The following SLC36A4 variants were observed in gnomAD, a reference collection of about 807,000 sequenced individuals.
The protein encoded by SLC36A4 is neutral amino acid uniporter 4.
A neutral mutation model predicts 50.5 loss-of-function variants in SLC36A4; 49 were observed. That is an observed-to-expected ratio of 0.97 (90% confidence interval 0.77 to 1.23). SLC36A4 has a LOEUF of 1.23. Among genes scored for constraint, SLC36A4 ranks in the 50% most tolerant of loss-of-function variants. SLC36A4 has a pLI of 0.00. For synonymous variants in SLC36A4, 207 were observed against 206.5 expected, an observed-to-expected ratio of 1.00 and a Z score of -0.02; for missense variants, 611 against 608.4, an observed-to-expected ratio of 1.00 and a Z score of -0.05.
intron 6 of SLC36A4, among the ~76,000 whole-genome samples, chr11:93,179,102 C>T (rs1321178890): frequency 3.3e-5 from 5 of 152,162 alleles, no homozygotes; most frequent in African/African-American, 1.2e-4. Flanking sequence ...CAGAGACCAT[C>T]AATACGGAAA....
chr11:93,180,688 T>C, intron 6 of SLC36A4, 109 bp downstream of exon 6: 2 of 780,666 alleles, frequency 2.6e-6, no homozygotes, highest in South Asian at 3.3e-5. Context: ...AGATCATTTA[T>C]GAAAGGAACA....
chr11:93,159,732 T>C, intron 9 of SLC36A4: 1 of 778,236 alleles, frequency 1.3e-6, no homozygotes. Flanking sequence ...GTATTACTCA[T>C]AACTAATTTT....
At chr11:93,194,489 T>A (rs1448538273) in intron 1 of SLC36A4, among the ~76,000 whole-genome samples, 1 of 152,204 alleles carries the variant, frequency 6.6e-6, no homozygotes, top group African/African-American at 2.4e-5. Flanking sequence ...TGAAATAAAG[T>A]GCAGACCTTA....
At chr11:93,162,553 C>T (rs1957644411) in intron 9 of SLC36A4, among the ~76,000 whole-genome samples, 153 bp downstream of exon 9, 1 of 152,088 alleles carries the variant, frequency 6.6e-6, no homozygotes, top group South Asian at 2.1e-4. Flanking sequence ...AGGTGATCCG[C>T]CCACCTCTGC....
At chr11:93,158,087 C>T (rs914937857) in intron 9 of SLC36A4, among the ~76,000 whole-genome samples, 10 of 152,134 alleles carry the variant, frequency 6.6e-5, no homozygotes, top group South Asian at 2.1e-4. Flanking sequence ...GAAAGAACTC[C>T]TTAGAGCTAA....
intron 6 of SLC36A4, among the ~76,000 whole-genome samples, chr11:93,174,540 A>G (rs1339530486): frequency 6.7e-6 from 1 of 148,994 alleles, no homozygotes; most frequent in Non-Finnish European, 1.5e-5. Flanking sequence ...TTCAAAGGGA[A>G]TGCTTCCAGT....
At chr11:93,160,676 A>ACTC in intron 9 of SLC36A4, 2 of 985,132 alleles carry the variant, frequency 2.0e-6, no homozygotes, top group African/African-American at 3.5e-5. Flanking sequence ...ATGTGTGCAC[A>ACTC]CTCCCACTTT....
At position 93,168,127 on chromosome 11, in the gene SLC36A4, A is replaced by G. The variant is rs1438076351; in HGVS notation, c.585T>C (p.Ser195=). The change falls in exon 7 of 11, where the codon AGT becomes AGC. Residue 195 remains serine (S), a synonymous_variant. Coordinates refer to ENST00000326402, the MANE Select transcript of SLC36A4 (RefSeq NM_152313.4). ...TCTCACAAGGGTTTGATGAATTGGT[A>G]CTATTTGAAATAAACACTTTACTCT... is the stretch of plus-strand genomic sequence containing the variant. ...FLESKVFISN[S]TNSSNPCERR... is the part of the protein sequence containing the mutation. 6.2e-7 allele frequency: 1 copy of G among 1,612,182 alleles called. No individual in the cohort carries two copies. The highest frequency in any genetic ancestry group is 2.2e-5 in the East Asian group (1 of 44,788).
chr11:93,151,266 C>T lies in SLC36A4; in HGVS notation c.1208-2422G>A, dbSNP rs570510559. Reference sequence around the variant, plus strand: ...TTCATTACAAATACTATGTCATTTACAGACAGCTATTATGAATAGATCTAT... The same window carrying T: ...TTCATTACAAATACTATGTCATTTATAGACAGCTATTATGAATAGATCTAT... On this transcript the variant is annotated intron_variant, in intron 10 of 10. Transcript: ENST00000326402. Among the ~76,000 whole-genome samples the T allele has an allele frequency of 5.0e-4, 76 of 152,020 alleles. 2 individuals are homozygous for T. The highest frequency in any genetic ancestry group is 1.8e-3 in the African/African-American group (73 of 41,534).
At chr11:93,179,755 AC>A (rs1861653476) in intron 6 of SLC36A4, among the ~76,000 whole-genome samples, 1 of 152,166 alleles carries the variant, frequency 6.6e-6, no homozygotes, top group Non-Finnish European at 1.5e-5. Flanking sequence ...GGGTTAAAAA[AC>A]TATGGTCTGC....
At chr11:93,158,377 T>A (rs1294498697) in intron 9 of SLC36A4, among the ~76,000 whole-genome samples, 1 of 152,122 alleles carries the variant, frequency 6.6e-6, no homozygotes, top group Non-Finnish European at 1.5e-5. Flanking sequence ...TAAAAATACA[T>A]CATTTTGCAT....
chr11:93,166,284 C>G, intron 7 of SLC36A4: 3 of 1,162,648 alleles, frequency 2.6e-6, no homozygotes, highest in Non-Finnish European at 3.2e-6. Context: ...CCTGCAAGTC[C>G]CAGGCTGTGA....
intron 9 of SLC36A4, chr11:93,160,431 T>C: frequency 1.0e-6 from 1 of 985,398 alleles, no homozygotes; most frequent in Non-Finnish European, 1.2e-6. Flanking sequence ...AATGGTCCCT[T>C]TTAAATCAAG....
At chr11:93,165,789 A>G (rs1301290184) in intron 8 of SLC36A4, 129 bp downstream of exon 8, 4 of 563,554 alleles carry the variant, frequency 7.1e-6, no homozygotes, top group African/African-American at 1.9e-5. Context: ...CTATCACACC[A>G]AATTGGAAAT....
At chr11:93,190,726 G>A (rs1279871242) in intron 1 of SLC36A4, among the ~76,000 whole-genome samples, 3 of 152,046 alleles carry the variant, frequency 2.0e-5, no homozygotes, top group Admixed American at 6.6e-5. Flanking sequence ...CTAACTATGC[G>A]CTTAAATACA....
intron 9 of SLC36A4, chr11:93,154,565 T>C (rs1260771232): frequency 5.9e-6 from 1 of 169,848 alleles, no homozygotes; most frequent in East Asian, 1.5e-4. Flanking sequence ...ATTCTGAAGG[T>C]TAGACTCAGC....
At chr11:93,176,720 C>T (rs952452845) in intron 6 of SLC36A4, among the ~76,000 whole-genome samples, 2 of 152,034 alleles carry the variant, frequency 1.3e-5, no homozygotes, top group African/African-American at 4.8e-5. Flanking sequence ...CTTAGTTTGG[C>T]TGGATATGAA....
intron 6 of SLC36A4, chr11:93,180,086 T>C: frequency 2.1e-6 from 2 of 949,480 alleles, no homozygotes; most frequent in Non-Finnish European, 2.5e-6. Context: ...TGTAAAATGT[T>C]TACTGTACCA....
intron 10 of SLC36A4, among the ~76,000 whole-genome samples, chr11:93,151,026 C>T (rs1221008102): frequency 1.3e-5 from 2 of 151,988 alleles, no homozygotes; most frequent in Non-Finnish European, 2.9e-5. Flanking sequence ...CTAGCAAACA[C>T]TTTTAAATCA....
Sources: allele counts gnomAD v4.1 joint callset (sites outside exome capture counted in the v4.1 genomes callset), GRCh38; gene constraint gnomAD v4.1.1; transcripts MANE v1.5; gene names NCBI Gene and HGNC (gene_info 2026-07-23, HGNC 2026-07-21).